The following INSR variants were observed in gnomAD, a reference collection of about 807,000 sequenced individuals.
INSR encodes the protein IR.
A neutral mutation model predicts 142.6 loss-of-function variants in INSR; 67 were observed. The ratio of observed to expected loss-of-function variants is 0.47; its 90% confidence interval spans 0.39 to 0.58. The LOEUF (loss-of-function observed/expected upper bound fraction) is 0.58. INSR is among the 20% of genes least tolerant of loss of function. The probability of loss-of-function intolerance (pLI) is 0.00; values close to 1 mark genes in which losing one functional copy is unlikely to be tolerated. For missense variants in INSR, 1,248 were observed against 1,833.2 expected (o/e 0.68, Z 5.83); for synonymous variants, 756 against 743.1 (o/e 1.02, Z -0.28).
intron 2 of INSR, among the ~76,000 whole-genome samples, chr19:7,266,820 A>G (rs1967746499): frequency 1.3e-5 from 2 of 152,212 alleles, no homozygotes; most frequent in Non-Finnish European, 2.9e-5. Context: ...AATAAGATGA[A>G]TGTTTTGCTT....
chr19:7,119,673 CACACACGCAAACACACAT>C lies in INSR; in HGVS notation c.3660-108_3660-91del. ...GCAAACACACACACGCAAACGCACA[CACACACGCAAACACACAT>C]GCCAACACATACATGCAAACACACA... On this transcript the variant is annotated intron_variant, in intron 20 of 21. Transcript: ENST00000302850. The surrounding 1 kb of genome is among the most constrained non-coding windows in gnomAD (Gnocchi z 5.2). 1.4e-6 allele frequency: 2 copies of C among 1,440,284 alleles called. No individual in the cohort carries two copies. Among genetic ancestry groups the C allele is most frequent in the Non-Finnish European group, 1.9e-6 (2 of 1,036,294 alleles). The allele number at this position is 1,440,284 out of a possible 1,614,324, so 89.2% of individuals were successfully genotyped here. A position where few individuals can be genotyped will look rare whatever the true frequency, so the allele number is the denominator to read the frequency against.
At chr19:7,265,772 A>G (rs1337071690) in intron 2 of INSR, among the ~76,000 whole-genome samples, 5 of 151,724 alleles carry the variant, frequency 3.3e-5, no homozygotes, top group Non-Finnish European at 5.9e-5. Context: ...AAATGTAGAG[A>G]AAAAAAACCT....
At chr19:7,126,857 G>A (rs1972658384) in intron 15 of INSR, among the ~76,000 whole-genome samples, 1 of 151,568 alleles carries the variant, frequency 6.6e-6, no homozygotes, top group African/African-American at 2.4e-5. Context: ...CAACATGGGA[G>A]CACTCATCCC....
rs1973295481 is a variant in INSR, at chr19:7,150,051, G to A, written c.2267+446C>T. Among the ~76,000 whole-genome samples, 1 of 152,132 alleles carries A rather than the reference G, an allele frequency of 6.6e-6. No homozygotes were observed. The highest frequency in any genetic ancestry group is 2.4e-5 in the African/African-American group (1 of 41,430). ...CACGGTGTTCTTTTGTTCATACCCT[G>A]TCGCCCTTTCATGAAAATATTCTGT... is the stretch of plus-strand genomic sequence containing the variant. On this transcript the variant is annotated intron_variant, in intron 11 of 21. Transcript: ENST00000302850. The surrounding 1 kb of genome is among the most constrained non-coding windows in gnomAD (Gnocchi z 4.2).
At chr19:7,127,928 G>A (rs533189637) in intron 15 of INSR, among the ~76,000 whole-genome samples, 99 of 152,036 alleles carry the variant, frequency 6.5e-4, no homozygotes, top group Non-Finnish European at 1.2e-3. Flanking sequence ...ATTTTTAGTA[G>A]AGACGGGGTT....
intron 20 of INSR, among the ~76,000 whole-genome samples, chr19:7,120,113 A>G (rs1180042172): frequency 1.3e-5 from 2 of 152,232 alleles, no homozygotes; most frequent in Non-Finnish European, 2.9e-5. Context: ...TCACTGAGAT[A>G]CCTGCATATC....
At position 7,237,347 on chromosome 19, in the gene INSR, T is replaced by C. The variant is rs564656397; in HGVS notation, c.652+29998A>G. ...GCCTGGCCAATATGGTGAAACCCCG[T>C]CTCTACTAAAACTATAAAAATTAGC... On this transcript the variant is annotated intron_variant, in intron 2 of 21. Transcript: ENST00000302850. Among the ~76,000 whole-genome samples, 114 of 151,086 alleles carry C rather than the reference T, an allele frequency of 7.5e-4. 1 individual carries two copies. Among genetic ancestry groups the C allele is most frequent in the African/African-American group, 2.6e-3 (105 of 41,048 alleles).
chr19:7,266,495 C>T (rs1018874522), intron 2 of INSR, among the ~76,000 whole-genome samples: 18 of 151,670 alleles, frequency 1.2e-4, no homozygotes, highest in Non-Finnish European at 2.4e-4. Context: ...AAGTGATTCT[C>T]CTGCCTCAGC....
intron 2 of INSR, among the ~76,000 whole-genome samples, chr19:7,255,555 T>TTTCTTTCC (rs1555687949): frequency 8.8e-5 from 13 of 148,300 alleles, no homozygotes; most frequent in African/African-American, 2.5e-4. Flanking sequence ...TCTTTCTTTC[T>TTTCTTTCC]TTCCTTCCTT....
In INSR at chr19:7,125,487, C is replaced by T. The variant is rs886054687; in HGVS notation, c.3054G>A (p.Val1018=). Residue 1018 remains valine, a synonymous_variant, in exon 17 of 22, where the codon GTG becomes GTA. Transcript: ENST00000302850. The surrounding 1 kb of genome is among the most constrained non-coding windows in gnomAD (Gnocchi z 4.9). ...GAAGGAGGGTGATCTTCTCTCGAGA[C>T]ACCTCCCACTCGTCCGGCACGTACA... ...CSVYVPDEWE[V]SREKITLLRE... 1.2e-6 allele frequency: 2 copies of T among 1,614,106 alleles called. No individual in the cohort carries two copies. Among genetic ancestry groups the T allele is most frequent in the Middle Eastern group, 1.6e-4 (1 of 6,062 alleles).
At chr19:7,277,423 C>A (rs1050847115) in intron 1 of INSR, among the ~76,000 whole-genome samples, 3 of 151,998 alleles carry the variant, frequency 2.0e-5, no homozygotes, top group Non-Finnish European at 4.4e-5. Context: ...TGCACTCTTA[C>A]AGCAAGTAAA....
intron 2 of INSR, among the ~76,000 whole-genome samples, chr19:7,213,538 C>G (rs1305271558): frequency 6.6e-6 from 1 of 152,136 alleles, no homozygotes; most frequent in Non-Finnish European, 1.5e-5. Flanking sequence ...ATAATTTATG[C>G]AACAAAGGTT....
intron 2 of INSR, among the ~76,000 whole-genome samples, chr19:7,191,213 C>T (rs1162653079): frequency 6.6e-6 from 1 of 151,928 alleles, no homozygotes; most frequent in Non-Finnish European, 1.5e-5. Flanking sequence ...AGCAGAATTG[C>T]TTGAACCCGG....
chr19:7,292,480 T>TGGGGGGGGGGGGGG (rs1568242710), intron 1 of INSR, among the ~76,000 whole-genome samples: 4 of 92,446 alleles, frequency 4.3e-5, no homozygotes, highest in Non-Finnish European at 4.5e-5. Context: ...TGGGGGGGGG[T>TGGGGGGGGGGGGGG]GGGCCCGGGG....
chr19:7,126,498 C>G, intron 16 of INSR, 86 bp downstream of exon 16: 2 of 1,235,942 alleles, frequency 1.6e-6, no homozygotes, highest in Non-Finnish European at 2.3e-6. Flanking sequence ...CCTGGGGAAC[C>G]CATCCTTCAC....
At chr19:7,229,396 GATAGAT>G (rs1467757778) in intron 2 of INSR, among the ~76,000 whole-genome samples, 1 of 151,182 alleles carries the variant, frequency 6.6e-6, no homozygotes, top group Non-Finnish European at 1.5e-5. Flanking sequence ...GCAAGGGAGT[GATAGAT>G]ATAAAGCCAG....
At chr19:7,229,760 CTTTT>C (rs71177180) in intron 2 of INSR, among the ~76,000 whole-genome samples, 1,134 of 87,568 alleles carry the variant, frequency 0.013, 20 homozygotes, top group African/African-American at 0.048. Context: ...CATTTACAGT[CTTTT>C]TTTTTTTTTT....
intron 2 of INSR, among the ~76,000 whole-genome samples, chr19:7,213,633 C>T (rs1975347283): frequency 6.6e-6 from 1 of 152,196 alleles, no homozygotes. Context: ...AAAAGCAACA[C>T]CTTCAACAAC....
Position 7,119,682 on chromosome 19 carries a change from AAACACACATGCC to A in INSR, c.3660-111_3660-100del, listed in dbSNP as rs1972431916. The stretch of plus-strand genomic sequence containing the variant: ...CACACGCAAACGCACACACACACGC[AAACACACATGCC>A]AACACATACATGCAAACACACACAT... On this transcript the variant is annotated intron_variant, in intron 20 of 21. Coordinates refer to ENST00000302850, the MANE Select transcript of INSR (RefSeq NM_000208.4). The surrounding 1 kb of genome is among the most constrained non-coding windows in gnomAD (Gnocchi z 5.2). 1 of 1,344,424 alleles carries A rather than the reference AAACACACATGCC, an allele frequency of 7.4e-7. No individual in the cohort carries two copies. Among genetic ancestry groups the A allele is most frequent in the Non-Finnish European group, 1.1e-6 (1 of 951,726 alleles). 83.3% of individuals were successfully genotyped at this position (1,344,424 alleles called of 1,614,324 possible). A position where few individuals can be genotyped will look rare whatever the true frequency, so the allele number is the denominator to read the frequency against.
Sources: gnomAD v4.1 joint callset for allele counts (sites outside exome capture counted in the v4.1 genomes callset) on GRCh38, gnomAD v4.1.1 for gene constraint, Gnocchi (gnomAD v3.1) non-coding constraint, MANE v1.5 for transcripts, NCBI Gene and HGNC (gene_info 2026-07-23, HGNC 2026-07-21) for gene names.